The following VPS13B variants were observed in gnomAD, a reference collection of about 807,000 sequenced individuals.
VPS13B encodes the protein intermembrane lipid transfer protein VPS13B.
In VPS13B, 285 loss-of-function variants were observed where a neutral mutation model predicts 426.4. The observed-to-expected ratio is 0.67, with a 90% CI of 0.61 to 0.74. The LOEUF is 0.74. VPS13B is among the 30% of genes least tolerant of loss of function. VPS13B has a pLI of 0.00. For synonymous variants in VPS13B, 1,676 were observed against 1,676.4 expected (o/e 1.00, Z 0.01); for missense variants, 4,537 against 4,782.6 (o/e 0.95, Z 1.51).
At chr8:99,146,342 T>C (rs1022904419) in intron 13 of VPS13B, among the ~76,000 whole-genome samples, 1 of 152,174 alleles carries the variant, frequency 6.6e-6, no homozygotes, top group Non-Finnish European at 1.5e-5. Context: ...ATTGAGCATA[T>C]TTGTGTGGGT....
chr8:99,778,654 C>T lies in VPS13B; in HGVS notation c.7430-28C>T, dbSNP rs376967784. On this transcript the variant is annotated intron_variant, in intron 41 of 61. Coordinates refer to ENST00000357162, the MANE Select transcript of VPS13B (RefSeq NM_152564.5). ...ACAAAATATTGGCTCATCTTAATTG[C>T]TGTTTTCCTTGTTTGTTTTCTCAAC... 8 of 1,591,928 alleles carry T rather than the reference C, an allele frequency of 5.0e-6. No homozygotes were observed. The African/African-American group carries it at 8.1e-5, about 16-fold the overall frequency.
intron 43 of VPS13B, among the ~76,000 whole-genome samples, chr8:99,802,017 G>A (rs536036606): frequency 6.6e-6 from 1 of 152,148 alleles, no homozygotes; most frequent in African/African-American, 2.4e-5. Context: ...GGGCATTATG[G>A]TGCATGCCTG....
intron 33 of VPS13B, among the ~76,000 whole-genome samples, chr8:99,630,333 CT>C (rs1439202674): frequency 6.6e-6 from 1 of 152,066 alleles, no homozygotes; most frequent in Non-Finnish European, 1.5e-5. Context: ...CAGTTATGCT[CT>C]TTTTTCATCT....
At chr8:99,506,513 G>A (rs540989336) in intron 27 of VPS13B, among the ~76,000 whole-genome samples, 1 of 152,316 alleles carries the variant, frequency 6.6e-6, no homozygotes, top group Non-Finnish European at 1.5e-5. Flanking sequence ...CATTTCTTGT[G>A]TATGTGGTAT....
chr8:99,015,827 C>A (rs1218126788), intron 2 of VPS13B, among the ~76,000 whole-genome samples: 1 of 151,956 alleles, frequency 6.6e-6, no homozygotes, highest in Non-Finnish European at 1.5e-5. Flanking sequence ...TGCTTGAACC[C>A]GGGAGGTGGA....
chr8:99,777,044 A>T, intron 41 of VPS13B, 88 bp downstream of exon 41: 1 of 1,478,538 alleles, frequency 6.8e-7, no homozygotes, highest in South Asian at 1.1e-5. Context: ...CAACAATCTT[A>T]GATAATGTAT....
At chr8:99,755,026 A>C (rs2130560706) in intron 39 of VPS13B, among the ~76,000 whole-genome samples, 1 of 152,278 alleles carries the variant, frequency 6.6e-6, no homozygotes, top group Admixed American at 6.5e-5. Flanking sequence ...TTGAAAGGAA[A>C]AACGGGAATG....
At chr8:99,679,633 A>T (rs1006994635) in intron 35 of VPS13B, among the ~76,000 whole-genome samples, 1 of 152,202 alleles carries the variant, frequency 6.6e-6, no homozygotes, top group South Asian at 2.1e-4. Context: ...ATAGCACATA[A>T]GACAGCATGT....
Position 99,859,319 on chromosome 8 carries a change from C to G in VPS13B, c.10883C>G (p.Ser3628Cys). ...ALFRAGWVVG[S>C]LDILGSPASL... The stretch of plus-strand genomic sequence containing the variant: ...TGCGTTGCAGGCTGGGTAGTTGGGT[C>G]TCTGGATATTCTTGGCAGCCCTGCA... Residue 3628 changes from serine (S) to cysteine (C), a missense_variant, in exon 57 of 62, where the codon TCT (serine) becomes TGT (cysteine). Transcript: ENST00000357162. The G allele has an allele frequency of 6.2e-7, 1 of 1,613,664 alleles. No homozygotes were observed. Among genetic ancestry groups the G allele is most frequent in the Non-Finnish European group, 8.5e-7 (1 of 1,179,928 alleles).
chr8:99,351,408 C>T (rs1428954266), intron 19 of VPS13B, among the ~76,000 whole-genome samples: 1 of 150,918 alleles, frequency 6.6e-6, no homozygotes, highest in Non-Finnish European at 1.5e-5. Context: ...CATTTCTTTT[C>T]TCCTTCCTCA....
chr8:99,715,985 T>C (rs1018926463), intron 36 of VPS13B, among the ~76,000 whole-genome samples: 1 of 152,036 alleles, frequency 6.6e-6, no homozygotes, highest in Non-Finnish European at 1.5e-5. Flanking sequence ...TCTGGAGTGC[T>C]TTTTTTGCTT....
intron 21 of VPS13B, among the ~76,000 whole-genome samples, chr8:99,424,740 C>G (rs144762501): frequency 2.0e-4 from 31 of 151,940 alleles, no homozygotes; most frequent in African/African-American, 7.5e-4. Context: ...AGAGACATTT[C>G]CCTTCAAAAC....
chr8:99,048,195 C>T (rs1046233436), intron 3 of VPS13B, among the ~76,000 whole-genome samples: 6 of 151,994 alleles, frequency 3.9e-5, no homozygotes, highest in African/African-American at 1.5e-4. Flanking sequence ...AGTTTTATTC[C>T]ACTGTGGTCT....
intron 16 of VPS13B, 131 bp from the exon 17 acceptor site, chr8:99,192,745 G>T: frequency 1.2e-6 from 1 of 832,930 alleles, no homozygotes; most frequent in South Asian, 1.7e-5. Context: ...TATCTATTTT[G>T]TTTAAGTAGT....
intron 61 of VPS13B, 65 bp downstream of exon 61, chr8:99,871,762 A>G (rs1817428323): frequency 2.5e-6 from 4 of 1,608,792 alleles, no homozygotes; most frequent in Middle Eastern, 2.2e-4. Flanking sequence ...CAGGCTGGTC[A>G]CTGGTACCTA....
intron 50 of VPS13B, 89 bp downstream of exon 50, chr8:99,821,571 C>T (rs1814370317): frequency 2.8e-6 from 4 of 1,448,736 alleles, no homozygotes; most frequent in Non-Finnish European, 2.9e-6. Context: ...TTTTTGATAC[C>T]TTTTTCATAT....
Position 99,331,572 on chromosome 8 carries a change from G to GAAA in VPS13B, c.2825-52631_2825-52629dup, listed in dbSNP as rs1011968487. ...AACTGATACTTTACTAGTAAATCAA[G>GAAA]AAAAAAATTAAAATATAACCTGTAA... On this transcript the variant is annotated intron_variant, in intron 19 of 61. Transcript: ENST00000357162. Among the ~76,000 whole-genome samples, 27 of 151,680 alleles carry GAAA rather than the reference G, an allele frequency of 1.8e-4. 1 individual carries two copies. In the Middle Eastern group the frequency reaches 0.024, roughly 134 times the overall value.
At chr8:99,148,632 A>T (rs2132600245) in intron 14 of VPS13B, among the ~76,000 whole-genome samples, 1 of 152,312 alleles carries the variant, frequency 6.6e-6, no homozygotes, top group East Asian at 1.9e-4. Context: ...TCAAAAAGAA[A>T]ACAATTGTAT....
intron 61 of VPS13B, 76 bp from the exon 62 acceptor site, chr8:99,875,342 G>A (rs1160629187): frequency 7.5e-6 from 12 of 1,596,380 alleles, no homozygotes; most frequent in South Asian, 5.5e-5. Context: ...CAAATATATC[G>A]AGGCAAAAGA....
Sources: allele counts gnomAD v4.1 joint callset (sites outside exome capture counted in the v4.1 genomes callset), GRCh38; gene constraint gnomAD v4.1.1; transcripts MANE v1.5; gene names NCBI Gene and HGNC (gene_info 2026-07-23, HGNC 2026-07-21).